NDST4: variants seen among roughly 807,000 people sequenced by gnomAD.
The protein encoded by NDST4 is N-deacetylase and N-sulfotransferase 4, also known as N-heparan sulfate sulfotransferase 4.
In NDST4, 63 loss-of-function variants were observed where a neutral mutation model predicts 100.8. The ratio of observed to expected loss-of-function variants is 0.62; its 90% confidence interval spans 0.51 to 0.77. The LOEUF is 0.77. Among genes scored for constraint, NDST4 ranks in the 30% least tolerant of loss-of-function variants. The probability of loss-of-function intolerance (pLI) is 0.00; values close to 1 mark genes in which losing one functional copy is unlikely to be tolerated. For synonymous variants in NDST4, 377 were observed against 361.8 expected (o/e 1.04, Z -0.48); for missense variants, 943 against 1,018.4 (o/e 0.93, Z 1.01).
chr4:114,869,564 T>G (rs1046525024), intron 7 of NDST4, among the ~76,000 whole-genome samples: 7 of 152,128 alleles, frequency 4.6e-5, no homozygotes, highest in Non-Finnish European at 8.8e-5. Context: ...TGCTTCTATC[T>G]ATTTACCTGT....
chr4:114,960,935 C>A (rs1210259648), intron 4 of NDST4, among the ~76,000 whole-genome samples: 1 of 151,950 alleles, frequency 6.6e-6, no homozygotes, highest in Non-Finnish European at 1.5e-5. Context: ...TAAACTATAA[C>A]AATGTATTGC....
rs1483243590 is a variant in NDST4 at position 115,076,667 on chromosome 4, C to T, written c.370G>A (p.Gly124Ser). ...ATAACTAAAGTATATTTCCCTTTGC[C>T]ATTATCTGTAAGAGGAGGTATATCT... ...KGDIPPLTDN[G>S]KGKYTLVIYE... Residue 124 changes from glycine (G) to serine (S), a missense_variant, in exon 2 of 14, where the codon GGC becomes AGC. Gly to Ser is a moderately conservative substitution (Grantham distance 56). Coordinates refer to ENST00000264363, the MANE Select transcript of NDST4 (RefSeq NM_022569.3). 1 of 1,613,836 alleles carries T rather than the reference C, an allele frequency of 6.2e-7. No individual in the cohort carries two copies. The highest frequency in any genetic ancestry group is 2.2e-5 in the East Asian group (1 of 44,770).
Position 114,986,832 on chromosome 4 carries a change from A to ATTTTTTTTT in NDST4, c.979-9559_979-9558insAAAAAAAAA, listed in dbSNP as rs58065684. ...TATATATATATATATATATATATAT[A>ATTTTTTTTT]TTTTAATATACTATTCCTATAAGCT... On this transcript the variant is annotated intron_variant, in intron 2 of 13. Transcript: ENST00000264363. Among the ~76,000 whole-genome samples the ATTTTTTTTT allele has an allele frequency of 7.4e-5, 7 of 94,654 alleles. 1 individual carries two copies. Among genetic ancestry groups the ATTTTTTTTT allele is most frequent in the African/African-American group, 1.9e-4 (5 of 27,010 alleles). 62.1% of individuals were successfully genotyped at this position (94,654 alleles called of 152,430 possible).
At chr4:114,891,816 C>T (rs994602770) in intron 6 of NDST4, among the ~76,000 whole-genome samples, 1 of 152,096 alleles carries the variant, frequency 6.6e-6, no homozygotes, top group African/African-American at 2.4e-5. Flanking sequence ...CATGGTCTAA[C>T]CTTAACCTTG....
chr4:115,075,508 C>T (rs511901), intron 2 of NDST4, among the ~76,000 whole-genome samples: 25,843 of 151,920 alleles, frequency 0.17, 2,610 homozygotes, highest in East Asian at 0.45. Context: ...GCAAGGAGGC[C>T]GGGTGCAGTG....
rs573512379 is a variant in NDST4, at chr4:114,912,402, C to A, written c.1536+22804G>T. On this transcript the variant is annotated intron_variant, in intron 6 of 13. Transcript: ENST00000264363. ...CAAATACCTGGAGGAATGGAGACTTCGTAAATGTCAAAACCATTCTCCCCA... is the reference window on the plus strand; with the variant it reads ...CAAATACCTGGAGGAATGGAGACTTAGTAAATGTCAAAACCATTCTCCCCA... 6.6e-5 allele frequency among the ~76,000 whole-genome samples: 10 copies of A among 152,204 alleles called. No individual in the cohort carries two copies. The East Asian group carries it at 1.9e-3, about 29-fold the overall frequency.
Position 115,031,614 on chromosome 4 carries a change from T to C in NDST4, c.978+44445A>G, listed in dbSNP as rs1728117749. ...ACCCACACTCAGGTTCCATGCTAGC[T>C]CTGGGACTCACTAAACTCCCTCATG... On this transcript the variant is annotated intron_variant, in intron 2 of 13. Transcript: ENST00000264363. Among the ~76,000 whole-genome samples the C allele has an allele frequency of 3.3e-5, 5 of 152,104 alleles. No individual in the cohort carries two copies. The South Asian group carries it at 1.0e-3, about 31-fold the overall frequency.
intron 2 of NDST4, among the ~76,000 whole-genome samples, chr4:115,054,327 G>C (rs186946243): frequency 6.6e-5 from 10 of 152,134 alleles, no homozygotes; most frequent in Admixed American, 6.5e-4. Context: ...CTATTAGACA[G>C]AAACTAGCTG....
chr4:115,108,281 T>G (rs1729872889), intron 1 of NDST4, among the ~76,000 whole-genome samples: 1 of 152,068 alleles, frequency 6.6e-6, no homozygotes, highest in Non-Finnish European at 1.5e-5. Flanking sequence ...TATGTAGGCA[T>G]GAAAGACTAT....
intron 2 of NDST4, among the ~76,000 whole-genome samples, chr4:115,058,115 T>G (rs1728742598): frequency 1.3e-5 from 2 of 152,172 alleles, no homozygotes; most frequent in Non-Finnish European, 2.9e-5. Flanking sequence ...GTATTTATAT[T>G]TCTTTAAAAT....
chr4:114,945,208 CAAAAAA>C (rs1173970826), intron 4 of NDST4, among the ~76,000 whole-genome samples: 6 of 53,788 alleles, frequency 1.1e-4, no homozygotes, highest in African/African-American at 2.0e-4. Flanking sequence ...AACTCCGTCT[CAAAAAA>C]AAAAAAAAAA....
intron 2 of NDST4, among the ~76,000 whole-genome samples, chr4:115,045,592 G>A (rs1011052691): frequency 6.6e-6 from 1 of 152,128 alleles, no homozygotes; most frequent in Non-Finnish European, 1.5e-5. Context: ...TGACCTCCCA[G>A]CAGTAGACTG....
intron 2 of NDST4, among the ~76,000 whole-genome samples, chr4:115,049,321 G>A (rs144418525): frequency 9.2e-5 from 14 of 152,016 alleles, no homozygotes; most frequent in African/African-American, 2.7e-4. Flanking sequence ...TCAGGATCTC[G>A]GGTGCCTTCT....
chr4:114,998,652 GC>G (rs754121400), intron 2 of NDST4, among the ~76,000 whole-genome samples: 15 of 152,068 alleles, frequency 9.9e-5, no homozygotes, highest in South Asian at 4.1e-4. Context: ...TGATACAGGA[GC>G]TTTTGTGGTC....
chr4:114,956,323 C>G (rs1445515727), intron 4 of NDST4, among the ~76,000 whole-genome samples: 1 of 152,080 alleles, frequency 6.6e-6, no homozygotes, highest in Non-Finnish European at 1.5e-5. Flanking sequence ...CAATGTTCTC[C>G]CCAAGGAAAC....
intron 2 of NDST4, among the ~76,000 whole-genome samples, chr4:115,037,190 TGGA>T (rs1386200040): frequency 6.6e-6 from 1 of 151,930 alleles, no homozygotes; most frequent in Non-Finnish European, 1.5e-5. Flanking sequence ...GAAAAAAAGA[TGGA>T]GAAGAGAGAG....
chr4:115,036,423 ATATATG>A (rs1728234657), intron 2 of NDST4, among the ~76,000 whole-genome samples: 1 of 151,140 alleles, frequency 6.6e-6, no homozygotes, highest in Non-Finnish European at 1.5e-5. Flanking sequence ...ATGTGTGTGC[ATATATG>A]TATATGTTAG....
chr4:114,944,129 T>C (rs957426550), intron 4 of NDST4, among the ~76,000 whole-genome samples: 1 of 152,152 alleles, frequency 6.6e-6, no homozygotes, highest in Non-Finnish European at 1.5e-5. Context: ...TGCCACCTCT[T>C]TCCACCCTGC....
intron 2 of NDST4, among the ~76,000 whole-genome samples, chr4:115,036,938 G>A (rs924845271): frequency 1.3e-5 from 2 of 151,918 alleles, no homozygotes. Flanking sequence ...GCACAAGTTA[G>A]TTAAAATATT....
Sources: gnomAD v4.1 joint callset for allele counts (sites outside exome capture counted in the v4.1 genomes callset) on GRCh38, gnomAD v4.1.1 for gene constraint, MANE v1.5 for transcripts, NCBI Gene and HGNC (gene_info 2026-07-23, HGNC 2026-07-21) for gene names.